TMPRSS11A: variants seen among roughly 807,000 people sequenced by gnomAD.
The protein encoded by TMPRSS11A is transmembrane protease serine 11A.
In TMPRSS11A, 53 loss-of-function variants were observed where a neutral mutation model predicts 58.9. The observed-to-expected ratio is 0.90, with a 90% CI of 0.72 to 1.13. The LOEUF (loss-of-function observed/expected upper bound fraction) is 1.13. Among genes scored for constraint, TMPRSS11A ranks in the 50% most tolerant of loss-of-function variants. The pLI, the probability that TMPRSS11A is intolerant of heterozygous loss-of-function variation, is 0.00. For missense variants in TMPRSS11A, 493 were observed against 499.3 expected (o/e 0.99, Z 0.12); for synonymous variants, 167 against 169.8 (o/e 0.98, Z 0.13).
chr4:67,933,748 A>C (rs1373681243), intron 3 of TMPRSS11A, among the ~76,000 whole-genome samples: 2 of 152,174 alleles, frequency 1.3e-5, no homozygotes, highest in African/African-American at 4.8e-5. Flanking sequence ...CTCAGTATGG[A>C]GGTGAGGGAT....
At chr4:67,945,101 A>C (rs976845826) in intron 2 of TMPRSS11A, among the ~76,000 whole-genome samples, 5 of 152,178 alleles carry the variant, frequency 3.3e-5, no homozygotes, top group Admixed American at 6.5e-5. Flanking sequence ...GTCCTTGTGA[A>C]TTTTGATTTT....
chr4:67,924,372 T>C (rs547831857), intron 5 of TMPRSS11A, among the ~76,000 whole-genome samples: 73 of 152,342 alleles, frequency 4.8e-4, no homozygotes, highest in African/African-American at 1.7e-3. Context: ...AGGTGGATAC[T>C]ATCACAAGCA....
At chr4:67,960,026 C>A (rs542956352) in intron 1 of TMPRSS11A, among the ~76,000 whole-genome samples, 4 of 152,258 alleles carry the variant, frequency 2.6e-5, no homozygotes, top group South Asian at 2.1e-4. Context: ...ATAGATGAAG[C>A]TGGAGGCCAT....
intron 5 of TMPRSS11A, among the ~76,000 whole-genome samples, chr4:67,926,162 A>G (rs1720460690): frequency 6.6e-6 from 1 of 152,196 alleles, no homozygotes; most frequent in Non-Finnish European, 1.5e-5. Flanking sequence ...GGTGTTTGCA[A>G]TGCAAAGAAG....
At chr4:67,931,481 C>T (rs898038042) in intron 4 of TMPRSS11A, among the ~76,000 whole-genome samples, 1 of 152,020 alleles carries the variant, frequency 6.6e-6, no homozygotes, top group Non-Finnish European at 1.5e-5. Flanking sequence ...ATGAGTCTTC[C>T]CCCTCCACCA....
chr4:67,909,940 A>G lies in TMPRSS11A; in HGVS notation c.*1402T>C, dbSNP rs1719923889. On this transcript the variant is annotated 3_prime_UTR_variant, in exon 10 of 10. Coordinates refer to ENST00000508048, the MANE Select transcript of TMPRSS11A (RefSeq NM_001114387.2). ...TTTTAGATATTTTAGGATTATTTTC[A>G]TGCCTTCTCAATAGCATGTGAGGGA... 1 of 152,048 alleles carries G rather than the reference A, an allele frequency of 6.6e-6. No homozygotes were observed. The highest frequency in any genetic ancestry group is 6.6e-5 in the Admixed American group (1 of 15,260). The allele number at this position is 152,048 out of a possible 1,614,324, so 9.4% of individuals were successfully genotyped here. A position where few individuals can be genotyped will look rare whatever the true frequency, so the allele number is the denominator to read the frequency against.
chr4:67,939,027 G>T (rs1720816019), intron 3 of TMPRSS11A, among the ~76,000 whole-genome samples: 1 of 151,934 alleles, frequency 6.6e-6, no homozygotes, highest in Non-Finnish European at 1.5e-5. Flanking sequence ...TAACAATATT[G>T]ATTCTTCCAA....
chr4:67,951,494 C>T (rs1276350183), intron 1 of TMPRSS11A, among the ~76,000 whole-genome samples: 1 of 152,128 alleles, frequency 6.6e-6, no homozygotes, highest in Admixed American at 6.5e-5. Context: ...CTAGAAAAGC[C>T]TTCCCTGAAG....
Position 67,919,184 on chromosome 4 carries a change from G to T in TMPRSS11A, c.741C>A (p.Asn247Lys), listed in dbSNP as rs367554835. The T allele has an allele frequency of 1.2e-6, 2 of 1,614,046 alleles. No homozygotes were observed. The highest frequency in any genetic ancestry group is 1.7e-6 in the Non-Finnish European group (2 of 1,179,962). The change falls in exon 8 of 10, where the codon AAC (asparagine) becomes AAA (lysine). Residue 247 changes from asparagine to lysine, a missense_variant. Coordinates refer to ENST00000508048, the MANE Select transcript of TMPRSS11A (RefSeq NM_001114387.2). ...QWTVSFGTKI[N>K]PPLMKRNVRR... ...TGACATTTCTTTTCATTAAGGGAGG[G>T]TTGATTTTTGTTCCAAAACTAACAG... is the stretch of plus-strand genomic sequence containing the variant.
intron 9 of TMPRSS11A, among the ~76,000 whole-genome samples, chr4:67,913,112 T>C (rs890215393): frequency 3.3e-5 from 5 of 152,206 alleles, no homozygotes; most frequent in Non-Finnish European, 7.3e-5. Context: ...ATTCTTACTG[T>C]TTGGTTCTAG....
intron 3 of TMPRSS11A, among the ~76,000 whole-genome samples, chr4:67,940,542 G>T (rs77404596): frequency 0.017 from 2,523 of 152,212 alleles, 66 homozygotes; most frequent in African/African-American, 0.058. Flanking sequence ...GTGTTCATAA[G>T]AGTCTCAGAC....
At chr4:67,943,472 G>A (rs1315763093) in intron 3 of TMPRSS11A, among the ~76,000 whole-genome samples, 1 of 152,142 alleles carries the variant, frequency 6.6e-6, no homozygotes, top group African/African-American at 2.4e-5. Context: ...GAGGTTATGT[G>A]GAGTCACTTA....
intron 3 of TMPRSS11A, among the ~76,000 whole-genome samples, chr4:67,933,261 A>G (rs1577860655): frequency 6.6e-6 from 1 of 152,214 alleles, no homozygotes; most frequent in Non-Finnish European, 1.5e-5. Flanking sequence ...AATTCTGCGA[A>G]GAAGTATCTT....
intron 4 of TMPRSS11A, among the ~76,000 whole-genome samples, chr4:67,930,829 T>TTTTTTATAAA (rs1265700805): frequency 1.1e-5 from 1 of 90,158 alleles, no homozygotes; most frequent in African/African-American, 4.7e-5. Flanking sequence ...TTTTTTTTTT[T>TTTTTTATAAA]ACAAAAAAAA....
intron 3 of TMPRSS11A, among the ~76,000 whole-genome samples, chr4:67,938,826 T>C (rs543788607): frequency 6.6e-6 from 1 of 152,276 alleles, no homozygotes; most frequent in South Asian, 2.1e-4. Context: ...AAAGTATAGT[T>C]TGAAGTCAGA....
intron 1 of TMPRSS11A, among the ~76,000 whole-genome samples, chr4:67,951,682 T>C (rs1721166622): frequency 1.3e-5 from 2 of 152,090 alleles, no homozygotes; most frequent in Admixed American, 1.3e-4. Context: ...ACAGACAGGA[T>C]ATTTTTTCAC....
At chr4:67,938,190 G>A (rs79039808) in intron 3 of TMPRSS11A, among the ~76,000 whole-genome samples, 13 of 152,166 alleles carry the variant, frequency 8.5e-5, no homozygotes, top group South Asian at 2.1e-4. Context: ...TCTTGACTGC[G>A]TTGTATGTCT....
rs764749590 is a variant in TMPRSS11A, at chr4:67,944,539, G to T, written c.232C>A (p.Arg78=). The change falls in exon 3 of 10, where the codon CGA becomes AGA. Residue 78 remains arginine, a synonymous_variant. Transcript: ENST00000508048. The stretch of plus-strand genomic sequence containing the variant: ...CTCACCAAATTTTCGGTCGTCTCTC[G>T]TAAGTCCTTAAGTTGATATGTGTTG... ...QSNTYQLKDL[R]ETTENLVDEI... The T allele has an allele frequency of 1.2e-6, 2 of 1,610,660 alleles. No individual in the cohort carries two copies. The highest frequency in any genetic ancestry group is 2.7e-5 in the African/African-American group (2 of 74,762).
chr4:67,941,729 G>A (rs1200799239), intron 3 of TMPRSS11A, among the ~76,000 whole-genome samples: 2 of 152,106 alleles, frequency 1.3e-5, no homozygotes, highest in Non-Finnish European at 2.9e-5. Context: ...ATCCAAAGGT[G>A]GATTCCACAT....
Sources: allele counts gnomAD v4.1 joint callset (sites outside exome capture counted in the v4.1 genomes callset), GRCh38; gene constraint gnomAD v4.1.1; transcripts MANE v1.5; gene names NCBI Gene and HGNC (gene_info 2026-07-23, HGNC 2026-07-21).